Variants in HAPLN3 observed in about 807,000 individuals in gnomAD.
HAPLN3 encodes extracellular link domain containing, 1.
HAPLN3 carries 28 observed loss-of-function variants against 28.1 expected under a neutral mutation model. The observed-to-expected ratio is 1.00, with a 90% CI of 0.74 to 1.37. The LOEUF is 1.37. Ranked by LOEUF, HAPLN3 falls within the 40% of genes most tolerant of loss-of-function variation. HAPLN3 has a pLI of 0.00. For missense variants in HAPLN3, 513 were observed against 504.6 expected (o/e 1.02, Z -0.16); for synonymous variants, 211 against 213.1 (o/e 0.99, Z 0.09).
intron 1 of HAPLN3, among the ~76,000 whole-genome samples, chr15:88,891,349 T>G (rs1272209925): frequency 6.6e-6 from 1 of 152,122 alleles, no homozygotes; most frequent in Non-Finnish European, 1.5e-5. Flanking sequence ...CAGGCTGGAG[T>G]GCAGTGGTAA....
At chr15:88,884,810 TAA>T (rs1190275446) in intron 2 of HAPLN3, among the ~76,000 whole-genome samples, 1 of 151,372 alleles carries the variant, frequency 6.6e-6, no homozygotes, top group African/African-American at 2.4e-5. Context: ...GATTTGCATA[TAA>T]AAGAGGAGAA....
chr15:88,887,271 G>A lies in HAPLN3; in HGVS notation c.28C>T (p.Leu10Phe). The change falls in exon 2 of 5, where the codon CTC becomes TTC. Residue 10 changes from leucine (L) to phenylalanine (F), a missense_variant. Leu to Phe is a conservative substitution (Grantham distance 22). Coordinates refer to ENST00000359595, the MANE Select transcript of HAPLN3 (RefSeq NM_178232.4). ...AGTCCGTAGGAGCCGGGCAGCAGGA[G>A]CAACGGGACCAGGAGCAACAGGCCC... MGLLLLVPLLLLPGSYGLPF... is the reference protein window; with the variant it reads MGLLLLVPLFLLPGSYGLPF... 6.2e-7 allele frequency: 1 copy of A among 1,614,154 alleles called. No individual in the cohort carries two copies. Among genetic ancestry groups the A allele is most frequent in the Non-Finnish European group, 8.5e-7 (1 of 1,180,002 alleles).
rs565330932 is a variant in HAPLN3, at chr15:88,889,929, G to A, written c.-47-2584C>T. ...CCTGTGTACAGGACCCAGAAGATGA[G>A]GAAACACTTAAAGAGGAAGGGAGGG... On this transcript the variant is annotated intron_variant, in intron 1 of 4. Coordinates refer to ENST00000359595, the MANE Select transcript of HAPLN3 (RefSeq NM_178232.4). 6.9e-5 allele frequency among the ~76,000 whole-genome samples: 10 copies of A among 144,924 alleles called. No individual in the cohort carries two copies. The South Asian group carries it at 2.1e-3, about 30-fold the overall frequency.
intron 1 of HAPLN3, among the ~76,000 whole-genome samples, chr15:88,890,471 C>T (rs1295259948): frequency 6.6e-6 from 1 of 152,190 alleles, no homozygotes; most frequent in Non-Finnish European, 1.5e-5. Flanking sequence ...GGGCAAGTTT[C>T]CTCGGTTGCG....
intron 2 of HAPLN3, among the ~76,000 whole-genome samples, chr15:88,886,800 C>T (rs1897868846): frequency 6.6e-6 from 1 of 152,136 alleles, no homozygotes; most frequent in Non-Finnish European, 1.5e-5. Context: ...ACTCCAGCCT[C>T]GGCAACAGAG....
At chr15:88,890,259 T>G (rs1303548714) in intron 1 of HAPLN3, among the ~76,000 whole-genome samples, 1 of 152,206 alleles carries the variant, frequency 6.6e-6, no homozygotes, top group Non-Finnish European at 1.5e-5. Context: ...ATCTGTGCTG[T>G]GCACTGCAGC....
chr15:88,886,228 G>A (rs905368519), intron 2 of HAPLN3, among the ~76,000 whole-genome samples: 3 of 151,434 alleles, frequency 2.0e-5, no homozygotes, highest in Admixed American at 6.6e-5. Flanking sequence ...GCAGATGCCT[G>A]TAATCCCAGC....
intron 1 of HAPLN3, among the ~76,000 whole-genome samples, chr15:88,890,753 G>A (rs1897990901): frequency 6.6e-6 from 1 of 152,184 alleles, no homozygotes; most frequent in Admixed American, 6.5e-5. Context: ...ACAGTATCCA[G>A]CTTAGAGTCA....
chr15:88,890,265 G>A (rs1044358545), intron 1 of HAPLN3, among the ~76,000 whole-genome samples: 6 of 152,190 alleles, frequency 3.9e-5, no homozygotes, highest in African/African-American at 1.4e-4. Context: ...GCTGTGCACT[G>A]CAGCCAGGAC....
At position 88,880,012 on chromosome 15, in the gene HAPLN3, G is replaced by T; in HGVS notation, c.494-743C>A. On this transcript the variant is annotated intron_variant, in intron 3 of 4. Coordinates refer to ENST00000359595, the MANE Select transcript of HAPLN3 (RefSeq NM_178232.4). The surrounding 1 kb of genome is among the most constrained non-coding windows in gnomAD (Gnocchi z 6.0). Reference sequence around the variant, plus strand: ...GGAAGGACACTTTGGAATCTCCTCCGTGTGGCCAAGGACCCAGGAACAGCC... The same window carrying T: ...GGAAGGACACTTTGGAATCTCCTCCTTGTGGCCAAGGACCCAGGAACAGCC... The T allele has an allele frequency of 3.0e-6, 3 of 994,576 alleles. No individual in the cohort carries two copies. The highest frequency in any genetic ancestry group is 3.6e-6 in the Non-Finnish European group (3 of 835,550). 61.6% of individuals were successfully genotyped at this position (994,576 alleles called of 1,614,324 possible). A position where few individuals can be genotyped will look rare whatever the true frequency, so the allele number is the denominator to read the frequency against.
chr15:88,887,975 AAAAG>A (rs1207211726), intron 1 of HAPLN3, among the ~76,000 whole-genome samples: 1 of 152,296 alleles, frequency 6.6e-6, no homozygotes, highest in East Asian at 1.9e-4. Context: ...AAAAAAAGAA[AAAAG>A]AAAGAAAAGA....
rs932132327 is a variant in HAPLN3, at chr15:88,879,283, A to G, written c.494-14T>C. 1.2e-6 allele frequency: 2 copies of G among 1,605,282 alleles called. No individual in the cohort carries two copies. Among genetic ancestry groups the G allele is most frequent in the Admixed American group, 3.4e-5 (2 of 59,694 alleles). Reference sequence around the variant, plus strand: ...GAAAGACCACACCTGCAGGGGAAGGAAAGAGGAGCTTAGGGGGTGGCCAGG... The same window carrying G: ...GAAAGACCACACCTGCAGGGGAAGGGAAGAGGAGCTTAGGGGGTGGCCAGG... On this transcript the variant is annotated splice_polypyrimidine_tract_variant and intron_variant, in intron 3 of 4. Coordinates refer to ENST00000359595, the MANE Select transcript of HAPLN3 (RefSeq NM_178232.4). This position sits in a 1 kb window ranked among gnomAD's most constrained non-coding sequence, Gnocchi z 5.0.
Position 88,879,338 on chromosome 15 carries a change from TC to T in HAPLN3, c.494-70del. ...CAGCTGGCTGGACACCCCGCTCTCC[TC>T]CCACCTTCACTGGGACATGTGCTGC... is the stretch of plus-strand genomic sequence containing the variant. On this transcript the variant is annotated intron_variant, in intron 3 of 4. Coordinates refer to ENST00000359595, the MANE Select transcript of HAPLN3 (RefSeq NM_178232.4). The surrounding 1 kb of genome is among the most constrained non-coding windows in gnomAD (Gnocchi z 5.0). 2.5e-6 allele frequency: 4 copies of T among 1,595,224 alleles called. No individual in the cohort carries two copies. Among genetic ancestry groups the T allele is most frequent in the Non-Finnish European group, 3.4e-6 (4 of 1,177,478 alleles).
intron 4 of HAPLN3, 149 bp from the exon 5 acceptor site, chr15:88,878,405 A>C (rs1337139047): frequency 1.4e-6 from 1 of 721,996 alleles, no homozygotes; most frequent in South Asian, 1.9e-5. Context: ...TCTAATCTTC[A>C]CCCTGTCCCA....
intron 1 of HAPLN3, among the ~76,000 whole-genome samples, chr15:88,889,478 G>T (rs547222122): frequency 1.3e-5 from 2 of 152,346 alleles, no homozygotes; most frequent in East Asian, 3.9e-4. Flanking sequence ...TGGGATTACA[G>T]GCATGCGCCA....
chr15:88,894,594 C>G (rs1213162352), intron 1 of HAPLN3, among the ~76,000 whole-genome samples: 1 of 127,784 alleles, frequency 7.8e-6, no homozygotes, highest in African/African-American at 3.5e-5. Context: ...TCCCAATCCG[C>G]TGGCCCGGGC....
intron 1 of HAPLN3, chr15:88,892,859 G>T: frequency 8.6e-7 from 1 of 1,162,986 alleles, no homozygotes; most frequent in Non-Finnish European, 1.2e-6. Context: ...TACCACTGAG[G>T]GGAGGGATGG....
chr15:88,887,195 A>G lies in HAPLN3; in HGVS notation c.104T>C (p.Leu35Pro). The change falls in exon 2 of 5, where the codon CTA becomes CCA. Residue 35 changes from leucine to proline, a missense_variant. Physicochemically the swap from Leu to Pro is moderately conservative, Grantham distance 98. Coordinates refer to ENST00000359595, the MANE Select transcript of HAPLN3 (RefSeq NM_178232.4). The part of the protein sequence containing the change: ...YYSNSANDQN[L>P]GNGHGKDLLN... Reference sequence around the variant, plus strand: ...CCTACCTTTGCCATGACCGTTGCCTAGGTTCTGGTCGTTGGCGCTGTTGGA... The same window carrying G: ...CCTACCTTTGCCATGACCGTTGCCTGGGTTCTGGTCGTTGGCGCTGTTGGA... The G allele has an allele frequency of 6.2e-7, 1 of 1,614,110 alleles. No homozygotes were observed. The highest frequency in any genetic ancestry group is 8.5e-7 in the Non-Finnish European group (1 of 1,180,008).
At position 88,880,683 on chromosome 15, in the gene HAPLN3, T is replaced by C; in HGVS notation, c.493+674A>G. ...CACATACAAGATCCGGCTTGCAGGG[T>C]GTGGCTGGTTTGGACAGCACTGGGT... On this transcript the variant is annotated intron_variant, in intron 3 of 4. Transcript: ENST00000359595. The surrounding 1 kb of genome is among the most constrained non-coding windows in gnomAD (Gnocchi z 6.0). The C allele has an allele frequency of 5.5e-6, 6 of 1,083,982 alleles. No individual in the cohort carries two copies. The highest frequency in any genetic ancestry group is 7.4e-6 in the Non-Finnish European group (6 of 808,186). 67.1% of individuals were successfully genotyped at this position (1,083,982 alleles called of 1,614,324 possible).
Sources: gnomAD v4.1 joint callset for allele counts (sites outside exome capture counted in the v4.1 genomes callset) on GRCh38, gnomAD v4.1.1 for gene constraint, Gnocchi (gnomAD v3.1) non-coding constraint, MANE v1.5 for transcripts, NCBI Gene and HGNC (gene_info 2026-07-23, HGNC 2026-07-21) for gene names.